ARHGAP9: variants seen among roughly 807,000 people sequenced by gnomAD.
The protein encoded by ARHGAP9 is rho GTPase-activating protein 9.
ARHGAP9 carries 76 observed loss-of-function variants against 87.3 expected under a neutral mutation model. That is an observed-to-expected ratio of 0.87 (90% CI 0.72 to 1.05). The LOEUF is 1.05. ARHGAP9 is among the 50% of genes least tolerant of loss of function. ARHGAP9 has a pLI of 0.00. For missense variants in ARHGAP9, 941 were observed against 960.5 expected, an observed-to-expected ratio of 0.98 and a Z score of 0.27; for synonymous variants, 382 against 394.9, an observed-to-expected ratio of 0.97 and a Z score of 0.39.
At chr12:57,477,325 T>C in intron 4 of ARHGAP9, 56 bp from the exon 5 acceptor site, 1 of 1,516,290 alleles carries the variant, frequency 6.6e-7, no homozygotes, top group Non-Finnish European at 8.9e-7. Context: ...CTACCCACTC[T>C]CCACACCCTT....
intron 7 of ARHGAP9, 41 bp downstream of exon 7, chr12:57,476,549 G>A: frequency 5.6e-6 from 9 of 1,613,610 alleles, no homozygotes; most frequent in Non-Finnish European, 7.6e-6. Flanking sequence ...CTACCCTATG[G>A]AGTTGACAGC....
At chr12:57,485,091 A>G (rs2139982238) in intron 1 of ARHGAP9, among the ~76,000 whole-genome samples, 1 of 151,132 alleles carries the variant, frequency 6.6e-6, no homozygotes, top group African/African-American at 2.4e-5. Context: ...GATTACAGGC[A>G]TGCACCACCA....
chr12:57,488,014 G>T, intron 1 of ARHGAP9: 1 of 1,241,274 alleles, frequency 8.1e-7, no homozygotes, highest in Non-Finnish European at 1.2e-6. Context: ...TCCATTTCCC[G>T]GCGTGCCTCG....
chr12:57,475,290 C>A lies in ARHGAP9; in HGVS notation c.1552+1G>T, dbSNP rs1484949856. The A allele has an allele frequency of 2.5e-6, 4 of 1,584,868 alleles. No individual in the cohort carries two copies. The highest frequency in any genetic ancestry group is 1.1e-5 in the South Asian group (1 of 87,194). On this transcript the variant is annotated splice_donor_variant, in intron 12 of 17. Coordinates refer to ENST00000393791, the MANE Select transcript of ARHGAP9 (RefSeq NM_032496.4). LOFTEE classifies it high-confidence loss of function. ...CCATGAACCTGGCCCAGCCCCCTCACCTCGGAGCAGACCCCGCTCCTGCAG... is the reference window on the plus strand; with the variant it reads ...CCATGAACCTGGCCCAGCCCCCTCAACTCGGAGCAGACCCCGCTCCTGCAG...
chr12:57,475,183 G>T, intron 12 of ARHGAP9, 108 bp downstream of exon 12: 1 of 1,254,878 alleles, frequency 8.0e-7, no homozygotes, highest in South Asian at 1.4e-5. Context: ...AACAATCTGG[G>T]GTAGTGGGAA....
chr12:57,473,727 A>G lies in ARHGAP9; in HGVS notation c.1919-19T>C. 1 of 1,604,944 alleles carries G rather than the reference A, an allele frequency of 6.2e-7. No individual in the cohort carries two copies. Among genetic ancestry groups the G allele is most frequent in the Non-Finnish European group, 8.5e-7 (1 of 1,171,662 alleles). On this transcript the variant is annotated intron_variant, in intron 16 of 17. Transcript: ENST00000393791. ...GAGAGTGCTAGAGAGAGTGATGGGA[A>G]AGGCATGGTAGTAAGGTTAGGGAAG... is the stretch of plus-strand genomic sequence containing the variant.
Position 57,477,331 on chromosome 12 carries a change from C to T in ARHGAP9, c.757-62G>A, listed in dbSNP as rs1594783709. 4.6e-6 allele frequency: 7 copies of T among 1,515,930 alleles called. No individual in the cohort carries two copies. In the East Asian group the frequency reaches 1.6e-4, roughly 34 times the overall value. 93.9% of individuals were successfully genotyped at this position (1,515,930 alleles called of 1,614,324 possible). On this transcript the variant is annotated intron_variant, in intron 4 of 17. Coordinates refer to ENST00000393791, the MANE Select transcript of ARHGAP9 (RefSeq NM_032496.4). ...ATGCCACCTCTACCCACTCTCCACACCCTTCTTATACTTGGCTGATTCTTC... is the reference window on the plus strand; with the variant it reads ...ATGCCACCTCTACCCACTCTCCACATCCTTCTTATACTTGGCTGATTCTTC...
At position 57,478,545 on chromosome 12, in the gene ARHGAP9, T is replaced by C. The variant is rs369926489; in HGVS notation, c.529A>G (p.Ser177Gly). ...QEDLPSEASA[S>G]TAGPQPLMSE... ...TCAGAAGAGCTGTGACTCACTGTGC[T>C]GGCACTGGCTTCTGACGGCAAGTCT... The change falls in exon 3 of 18, where the codon AGC becomes GGC. Residue 177 changes from serine (S) to glycine (G), a missense_variant. By Grantham distance (56) the Ser-to-Gly change is moderately conservative. Coordinates refer to ENST00000393791, the MANE Select transcript of ARHGAP9 (RefSeq NM_032496.4). 1 of 1,614,030 alleles carries C rather than the reference T, an allele frequency of 6.2e-7. No homozygotes were observed.
At chr12:57,480,767 T>G (rs1874927343), upstream of ARHGAP9, 2 of 1,550,068 alleles carry the variant, frequency 1.3e-6, no homozygotes, top group Non-Finnish European at 1.7e-6. Flanking sequence ...ACACTTCTGC[T>G]TCTGCCTTAC....
Position 57,477,607 on chromosome 12 carries a change from G to C in ARHGAP9, c.608C>G (p.Ser203Cys). The change falls in exon 4 of 18, where the codon TCC becomes TGC. Residue 203 changes from serine to cysteine, a missense_variant. Transcript: ENST00000393791. ...NLVDLRRCPR[S>C]PPPGPACPLL... is the part of the protein sequence containing the mutation. ...GGGGCATGCAGGGCCTGGGGGTGGG[G>C]ACCGAGGACAGCGGCGAAGGTCCAC... is the stretch of plus-strand genomic sequence containing the variant. The C allele has an allele frequency of 6.2e-7, 1 of 1,613,316 alleles. No individual in the cohort carries two copies. Among genetic ancestry groups the C allele is most frequent in the South Asian group, 1.1e-5 (1 of 91,016 alleles).
At chr12:57,473,795 G>T in intron 16 of ARHGAP9, 87 bp from the exon 17 acceptor site, 2 of 1,287,548 alleles carry the variant, frequency 1.6e-6, no homozygotes, top group African/African-American at 1.5e-5. Flanking sequence ...TTTCCCACAG[G>T]CATGGAAGAC....
At chr12:57,476,273 C>A in intron 8 of ARHGAP9, 91 bp downstream of exon 8, 1 of 1,527,648 alleles carries the variant, frequency 6.5e-7, no homozygotes. Flanking sequence ...CTTTACTTTC[C>A]TCTGCACCGC....
Position 57,472,671 on chromosome 12 carries a change from T to C in ARHGAP9, c.2042A>G (p.Asp681Gly), listed in dbSNP as rs753795515. Residue 681 changes from aspartate (D) to glycine (G), a missense_variant, in exon 18 of 18, where the codon GAT becomes GGT. Coordinates refer to ENST00000393791, the MANE Select transcript of ARHGAP9 (RefSeq NM_032496.4). ...EHLCRVIAHS[D>G]KNRMTPHNLG... The stretch of plus-strand genomic sequence containing the variant: ...GTTGTGGGGTGTCATGCGATTCTTA[T>C]CTGAGTGTGCTATCACCCTGTAAGC... 2.5e-6 allele frequency: 4 copies of C among 1,614,200 alleles called. No homozygotes were observed. Among genetic ancestry groups the C allele is most frequent in the East Asian group, 2.2e-5 (1 of 44,882 alleles).
Position 57,477,539 on chromosome 12 carries a change from T to C in ARHGAP9, c.676A>G (p.Asn226Asp). The C allele has an allele frequency of 6.2e-7, 1 of 1,613,948 alleles. No homozygotes were observed. The highest frequency in any genetic ancestry group is 8.5e-7 in the Non-Finnish European group (1 of 1,179,948). Reference sequence around the variant, plus strand: ...TTTATGTAGAAGCAGCGTCCAGAGTTGGGGTCCAGGTGCTGCTCCCAGGCA... The same window carrying C: ...TTTATGTAGAAGCAGCGTCCAGAGTCGGGGTCCAGGTGCTGCTCCCAGGCA... ...LDAWEQHLDPNSGRCFYINSL... is the reference protein window; with the variant it reads ...LDAWEQHLDPDSGRCFYINSL... Residue 226 changes from asparagine (N) to aspartate (D), a missense_variant, in exon 4 of 18, where the codon AAC becomes GAC. Physicochemically the swap from Asn to Asp is conservative, Grantham distance 23 (BLOSUM62 1). Transcript: ENST00000393791.
At chr12:57,481,412 G>A (rs958877138), upstream of ARHGAP9, among the ~76,000 whole-genome samples, 16 of 151,976 alleles carry the variant, frequency 1.1e-4, no homozygotes, top group African/African-American at 3.4e-4. Context: ...CACTATGCCC[G>A]CTATTTTTTT....
exon 1 of ARHGAP9, chr12:57,488,749 G>T: frequency 8.0e-7 from 1 of 1,245,038 alleles, no homozygotes; most frequent in Non-Finnish European, 1.1e-6. Flanking sequence ...CAGTCGTTAA[G>T]TTCTTGGCTG....
chr12:57,476,271 T>TC, intron 8 of ARHGAP9, 93 bp downstream of exon 8: 1 of 1,519,412 alleles, frequency 6.6e-7, no homozygotes, highest in Non-Finnish European at 8.9e-7. Context: ...TTCTTTACTT[T>TC]CCTCTGCACC....
Position 57,478,541 on chromosome 12 carries a change from G to A in ARHGAP9, c.533C>T (p.Thr178Ile). ...CAGCTCAGAAGAGCTGTGACTCACT[G>A]TGCTGGCACTGGCTTCTGACGGCAA... ...EDLPSEASAS[T>I]AGPQPLMSEP... Residue 178 changes from threonine (T) to isoleucine (I), a missense_variant and splice_region_variant, in exon 3 of 18, where the codon ACA (threonine) becomes ATA (isoleucine). Transcript: ENST00000393791. The A allele has an allele frequency of 6.2e-7, 1 of 1,614,014 alleles. No individual in the cohort carries two copies. The highest frequency in any genetic ancestry group is 8.5e-7 in the Non-Finnish European group (1 of 1,179,948).
intron 17 of ARHGAP9, 64 bp from the exon 18 acceptor site, chr12:57,472,752 T>C (rs909256378): frequency 6.4e-6 from 10 of 1,551,534 alleles, no homozygotes; most frequent in South Asian, 1.1e-5. Flanking sequence ...GCAATCTAAC[T>C]AACCCTTCAA....
Sources: allele counts gnomAD v4.1 joint callset (sites outside exome capture counted in the v4.1 genomes callset), GRCh38; gene constraint gnomAD v4.1.1; transcripts MANE v1.5; gene names NCBI Gene and HGNC (gene_info 2026-07-23, HGNC 2026-07-21).